TJP1: variants seen among roughly 807,000 people sequenced by gnomAD.
TJP1 encodes the protein tight junction protein 1.
TJP1 carries 43 observed loss-of-function variants against 194.2 expected under a neutral mutation model. That is an observed-to-expected ratio of 0.22 (90% CI 0.17 to 0.29). The LOEUF (loss-of-function observed/expected upper bound fraction) is 0.29. Among genes scored for constraint, TJP1 ranks in the 10% least tolerant of loss-of-function variants. The pLI, the probability that TJP1 is intolerant of heterozygous loss-of-function variation, is 1.00. For missense variants in TJP1, 1,971 were observed against 2,185.7 expected (o/e 0.90, Z 1.96); for synonymous variants, 801 against 779.0 (o/e 1.03, Z -0.47).
At chr15:29,788,589 C>T (rs151115954) in intron 2 of TJP1, among the ~76,000 whole-genome samples, 2 of 152,204 alleles carry the variant, frequency 1.3e-5, no homozygotes, top group Non-Finnish European at 2.9e-5. Context: ...GCCTTGGCAC[C>T]CCATCCCAAG....
At chr15:29,854,001 T>A (rs1343717961) in intron 2 of TJP1, among the ~76,000 whole-genome samples, 1 of 152,180 alleles carries the variant, frequency 6.6e-6, no homozygotes, top group Non-Finnish European at 1.5e-5. Context: ...GAATTCTGCA[T>A]GAGAAAACTG....
chr15:29,759,368 T>C (rs761313516), intron 8 of TJP1: 2 of 152,214 alleles, frequency 1.3e-5, no homozygotes, highest in South Asian at 4.1e-4. Context: ...CAAATAAACA[T>C]TGTATCTATT....
chr15:29,822,952 G>A (rs1299626807), upstream of TJP1: 1 of 152,238 alleles, frequency 6.6e-6, no homozygotes, highest in Non-Finnish European at 1.5e-5. Context: ...GGCGCGTCAT[G>A]GCTTTCATCT....
chr15:29,853,224 G>C (rs1044233341), intron 2 of TJP1, among the ~76,000 whole-genome samples: 3 of 152,176 alleles, frequency 2.0e-5, no homozygotes, highest in Non-Finnish European at 4.4e-5. Flanking sequence ...ATGGAGGATA[G>C]ATCAGTTCTT....
chr15:29,723,566 T>TAAA (rs2151166039), intron 18 of TJP1, among the ~76,000 whole-genome samples: 1 of 152,292 alleles, frequency 6.6e-6, no homozygotes, highest in East Asian at 1.9e-4. Context: ...TTACAGCAGT[T>TAAA]CAAGAGCAGA....
intron 18 of TJP1, among the ~76,000 whole-genome samples, chr15:29,722,560 G>T (rs184177930): frequency 6.6e-6 from 1 of 152,202 alleles, no homozygotes; most frequent in South Asian, 2.1e-4. Flanking sequence ...CTGCAGGAGC[G>T]GAGCCCTCAT....
At chr15:29,795,354 T>C (rs1369721602) in intron 2 of TJP1, among the ~76,000 whole-genome samples, 3 of 151,088 alleles carry the variant, frequency 2.0e-5, no homozygotes, top group Non-Finnish European at 4.4e-5. Flanking sequence ...ACCGCAGAGG[T>C]TGCAGTGAGC....
At chr15:29,721,083 A>G (rs975714639) in intron 18 of TJP1, among the ~76,000 whole-genome samples, 1 of 152,230 alleles carries the variant, frequency 6.6e-6, no homozygotes, top group African/African-American at 2.4e-5. Context: ...AAGCTCACAG[A>G]AACAAGGACA....
At chr15:29,852,472 T>C (rs2051679072) in intron 2 of TJP1, among the ~76,000 whole-genome samples, 2 of 152,182 alleles carry the variant, frequency 1.3e-5, no homozygotes, top group Non-Finnish European at 2.9e-5. Context: ...GTGGAGAGGA[T>C]GTGAAAAAAT....
chr15:29,938,114 C>G (rs1019172682), intron 2 of TJP1, among the ~76,000 whole-genome samples: 1 of 152,188 alleles, frequency 6.6e-6, no homozygotes, highest in Non-Finnish European at 1.5e-5. Context: ...AAGGTTAAAA[C>G]AGGTTTTTAA....
At chr15:29,868,306 C>T (rs1410520049) in intron 2 of TJP1, among the ~76,000 whole-genome samples, 1 of 152,120 alleles carries the variant, frequency 6.6e-6, no homozygotes, top group African/African-American at 2.4e-5. Context: ...TAGGAGGTGG[C>T]TAACTCTGCT....
chr15:29,772,205 A>G, intron 3 of TJP1, 39 bp from the exon 4 acceptor site: 2 of 1,259,844 alleles, frequency 1.6e-6, no homozygotes, highest in Non-Finnish European at 2.3e-6. Context: ...GTTAGAGAAA[A>G]ACATTCTGGT....
chr15:29,894,868 T>C (rs2053427967), intron 2 of TJP1, among the ~76,000 whole-genome samples: 2 of 152,224 alleles, frequency 1.3e-5, no homozygotes, highest in Admixed American at 6.5e-5. Flanking sequence ...CTCTGTCTCC[T>C]GGAGGGGCAG....
chr15:29,783,036 G>A (rs2047468957), intron 2 of TJP1, among the ~76,000 whole-genome samples: 4 of 152,140 alleles, frequency 2.6e-5, no homozygotes, highest in Admixed American at 2.6e-4. Flanking sequence ...CACTTTGGGA[G>A]GCTGAGGCTG....
intron 2 of TJP1, among the ~76,000 whole-genome samples, chr15:29,874,386 T>C (rs999802076): frequency 1.3e-5 from 2 of 152,080 alleles, no homozygotes; most frequent in Non-Finnish European, 2.9e-5. Context: ...CCCTCAGCAG[T>C]AAGGGCGGAG....
intron 15 of TJP1, chr15:29,731,080 T>G (rs1842422): frequency 2.1e-6 from 1 of 483,458 alleles, no homozygotes; most frequent in Non-Finnish European, 3.7e-6. Flanking sequence ...TTTGTTTTAC[T>G]TTTTTTTTTT....
rs2152111315 is a variant in TJP1, at chr15:29,866,535, G to A, written c.307-65833C>T. Among the ~76,000 whole-genome samples the A allele has an allele frequency of 1.3e-5, 2 of 152,202 alleles. 1 individual carries two copies. Reference sequence around the variant, plus strand: ...GGCAGCATTCTTCATTTTATTATGTGAACTCCCCACACAGTATGTCATGTG... The same window carrying A: ...GGCAGCATTCTTCATTTTATTATGTAAACTCCCCACACAGTATGTCATGTG... On this transcript the variant is annotated intron_variant, in intron 2 of 28. Transcript: ENST00000356107.
chr15:29,874,358 C>T (rs569809700), intron 2 of TJP1, among the ~76,000 whole-genome samples: 8 of 152,250 alleles, frequency 5.3e-5, no homozygotes, highest in African/African-American at 1.9e-4. Flanking sequence ...AGGCACTCGG[C>T]TCATTGGAAC....
chr15:29,864,635 A>G (rs1483077739), intron 2 of TJP1, among the ~76,000 whole-genome samples: 1 of 152,160 alleles, frequency 6.6e-6, no homozygotes, highest in African/African-American at 2.4e-5. Flanking sequence ...AGGGCAGTAG[A>G]GGAAGGAACC....
Sources: allele counts gnomAD v4.1 joint callset (sites outside exome capture counted in the v4.1 genomes callset), GRCh38; gene constraint gnomAD v4.1.1; transcripts MANE v1.5; gene names NCBI Gene and HGNC (gene_info 2026-07-23, HGNC 2026-07-21).